The following DDO variants were observed in gnomAD, a reference collection of about 807,000 sequenced individuals.
DDO encodes the protein D-aspartate oxidase, DDO.
Under a neutral mutation model 16.8 loss-of-function variants are expected in DDO, and 16 were observed. The observed-to-expected ratio is 0.95, with a 90% confidence interval of 0.65 to 1.45. The LOEUF (loss-of-function observed/expected upper bound fraction) is 1.45. DDO is among the 40% of genes most tolerant of loss of function. The probability of loss-of-function intolerance (pLI) is 0.00; values close to 1 mark genes in which losing one functional copy is unlikely to be tolerated. For missense variants in DDO, 429 were observed against 420.3 expected, an observed-to-expected ratio of 1.02 and a Z score of -0.18; for synonymous variants, 180 against 167.2, an observed-to-expected ratio of 1.08 and a Z score of -0.59.
Position 110,413,453 on chromosome 6 carries a change from C to T in DDO, c.10G>A (p.Ala4Thr). MDT[A>T]RIAVVGAGVV... The stretch of plus-strand genomic sequence containing the variant: ...CCTGCCCCGACAACTGCAATCCGTG[C>T]TGTGTCCATGAGCCTGTGAGGAGGG... The change falls in exon 2 of 5, where the codon GCA (alanine) becomes ACA (threonine). Residue 4 changes from alanine to threonine, a missense_variant. By Grantham distance (58) the Ala-to-Thr change is moderately conservative. Coordinates refer to ENST00000368924, the MANE Select transcript of DDO (RefSeq NM_001372108.2). The T allele has an allele frequency of 6.2e-7, 1 of 1,613,498 alleles. No individual in the cohort carries two copies. Among genetic ancestry groups the T allele is most frequent in the South Asian group, 1.1e-5 (1 of 91,030 alleles).
chr6:110,393,247 AG>A lies in DDO; in HGVS notation c.553del (p.Gly186GlufsTer14). ...GTCTCCTGCAAGCTGTCTGCTTCCA[AG>A]GCCTGAACAGTTGACCACGATGTCA... ...SFDIVVNCSG[L>X]GSRQLAGDSK... On this transcript the variant is annotated frameshift_variant, in exon 5 of 5. Transcript: ENST00000368924. LOFTEE classifies it low-confidence loss of function (END_TRUNC). 1.9e-6 allele frequency: 3 copies of A among 1,614,180 alleles called. No individual in the cohort carries two copies. The highest frequency in any genetic ancestry group is 2.5e-6 in the Non-Finnish European group (3 of 1,180,020).
At chr6:110,397,148 A>G (rs546440416) in intron 4 of DDO, among the ~76,000 whole-genome samples, 1 of 152,322 alleles carries the variant, frequency 6.6e-6, no homozygotes, top group South Asian at 2.1e-4. Flanking sequence ...TGAAAATGAA[A>G]TGAGACACAT....
chr6:110,410,520 G>A (rs1327353461), intron 2 of DDO, among the ~76,000 whole-genome samples: 2 of 152,208 alleles, frequency 1.3e-5, no homozygotes, highest in Non-Finnish European at 1.5e-5. Flanking sequence ...GGTTCAGCAT[G>A]ACTGGGAGAC....
chr6:110,408,803 G>GGCCACACAGCTTA (rs1773749591), intron 2 of DDO, among the ~76,000 whole-genome samples: 4 of 152,248 alleles, frequency 2.6e-5, no homozygotes, highest in Admixed American at 2.6e-4. Context: ...CTTAGTTCAT[G>GGCCACACAGCTTA]GCTGTGGGAT....
chr6:110,410,033 T>C (rs1773797327), intron 2 of DDO, among the ~76,000 whole-genome samples: 1 of 151,866 alleles, frequency 6.6e-6, no homozygotes, highest in Non-Finnish European at 1.5e-5. Flanking sequence ...CTAAATGCTT[T>C]ACATGTATCA....
chr6:110,399,453 G>T (rs755527892), intron 4 of DDO, among the ~76,000 whole-genome samples: 2 of 152,228 alleles, frequency 1.3e-5, no homozygotes, highest in Non-Finnish European at 2.9e-5. Flanking sequence ...ATTGTGTGGC[G>T]TCCCATGTGG....
intron 3 of DDO, among the ~76,000 whole-genome samples, chr6:110,405,764 G>A (rs988432856): frequency 1.3e-5 from 2 of 152,150 alleles, no homozygotes; most frequent in African/African-American, 4.8e-5. Flanking sequence ...TTAGCTGGGT[G>A]TGGAGGCACA....
chr6:110,413,295 A>T lies in DDO; in HGVS notation c.168T>A (p.Tyr56Ter). The change falls in exon 2 of 5, where the codon TAT (tyrosine) becomes TAA (stop). Residue 56 changes from tyrosine (Y) to a stop codon, truncating the protein, a stop_gained. Coordinates refer to ENST00000368924, the MANE Select transcript of DDO (RefSeq NM_001372108.2). LOFTEE classifies it high-confidence loss of function. The part of the protein sequence containing the change: ...VAAGMLIPHT[Y>*]PDTPIHTQKQ... ...AGAGGAGCTGAAATCTCTCACCTGG[A>T]TAAGTGTGAGGAATAAGCATTCCGG... 6.2e-7 allele frequency: 1 copy of T among 1,613,978 alleles called. No homozygotes were observed. The highest frequency in any genetic ancestry group is 1.3e-5 in the African/African-American group (1 of 75,048).
chr6:110,395,652 G>T (rs1001110356), intron 4 of DDO, among the ~76,000 whole-genome samples: 1 of 152,046 alleles, frequency 6.6e-6, no homozygotes, highest in Non-Finnish European at 1.5e-5. Flanking sequence ...CTACTTTCAA[G>T]GCCAGATAAA....
downstream of DDO, among the ~76,000 whole-genome samples, chr6:110,390,565 G>T (rs544660837): frequency 2.6e-5 from 4 of 152,172 alleles, no homozygotes; most frequent in Non-Finnish European, 5.9e-5. Context: ...AATATAAAAC[G>T]CAGAGTGAAG....
At chr6:110,412,644 G>A (rs1032062146) in intron 2 of DDO, among the ~76,000 whole-genome samples, 2 of 152,160 alleles carry the variant, frequency 1.3e-5, no homozygotes, top group Non-Finnish European at 2.9e-5. Flanking sequence ...CCTCCCCTCC[G>A]CCCCTGGGCA....
intron 4 of DDO, among the ~76,000 whole-genome samples, chr6:110,393,721 C>G (rs766874617): frequency 2.6e-5 from 4 of 152,108 alleles, no homozygotes; most frequent in Admixed American, 6.5e-5. Flanking sequence ...AATTTACTAC[C>G]TTAAACATTT....
intron 4 of DDO, among the ~76,000 whole-genome samples, chr6:110,394,503 A>G (rs972502924): frequency 4.6e-5 from 7 of 152,342 alleles, no homozygotes; most frequent in African/African-American, 1.7e-4. Flanking sequence ...TGTAGAATAG[A>G]GAAAGAGACT....
chr6:110,400,132 C>T (rs1724239353), intron 4 of DDO, among the ~76,000 whole-genome samples: 1 of 152,206 alleles, frequency 6.6e-6, no homozygotes, highest in African/African-American at 2.4e-5. Flanking sequence ...CAGGGTTGAC[C>T]CAGGCCTTCC....
In DDO at chr6:110,400,107, C is replaced by T. The variant is rs532754924; in HGVS notation, c.458+4667G>A. 6.6e-5 allele frequency among the ~76,000 whole-genome samples: 10 copies of T among 152,324 alleles called. No homozygotes were observed. In the East Asian group the frequency reaches 1.2e-3, roughly 18 times the overall value. Reference sequence around the variant, plus strand: ...GGAAATGCTGACCGCAGGCCCGCAGCCCAGGACGGGGTGGCAGGGTTGACC... The same window carrying T: ...GGAAATGCTGACCGCAGGCCCGCAGTCCAGGACGGGGTGGCAGGGTTGACC... On this transcript the variant is annotated intron_variant, in intron 4 of 4. Transcript: ENST00000368924.
In DDO at chr6:110,415,493, G is replaced by T. The variant is rs184476725; in HGVS notation, c.-31C>A. On this transcript the variant is annotated 5_prime_UTR_variant, in exon 1 of 5. Coordinates refer to ENST00000368924, the MANE Select transcript of DDO (RefSeq NM_001372108.2). The stretch of plus-strand genomic sequence containing the variant: ...TGTCTCTGAAAAAGCAGTCTTGGAA[G>T]CCACCAAAATCTCTGGCACCAAACC... The T allele has an allele frequency of 9.0e-5, 145 of 1,614,234 alleles. No homozygotes were observed. Among genetic ancestry groups the T allele is most frequent in the Admixed American group, 2.3e-4 (14 of 60,032 alleles).
intron 4 of DDO, among the ~76,000 whole-genome samples, chr6:110,398,398 A>C (rs9398234): frequency 9.4e-5 from 7 of 74,732 alleles, no homozygotes; most frequent in South Asian, 8.6e-4. Context: ...ACACACACAC[A>C]CACACACACA....
chr6:110,405,868 G>A lies in DDO; in HGVS notation c.282-918C>T, dbSNP rs562630355. 1.6e-3 allele frequency among the ~76,000 whole-genome samples: 242 copies of A among 151,846 alleles called. 1 individual carries two copies. The highest frequency in any genetic ancestry group is 0.015 in the South Asian group (70 of 4,792). ...GCAGTGAACTGAATTGGACCATTGC[G>A]CTCCAGCCTAGACGAGTAAGACCCT... On this transcript the variant is annotated intron_variant, in intron 3 of 4. Transcript: ENST00000368924.
At position 110,394,041 on chromosome 6, in the gene DDO, T is replaced by C. The variant is rs533009930; in HGVS notation, c.459-699A>G. 1.9e-4 allele frequency among the ~76,000 whole-genome samples: 29 copies of C among 152,326 alleles called. No individual in the cohort carries two copies. The South Asian group carries it at 5.6e-3, about 29-fold the overall frequency. Reference sequence around the variant, plus strand: ...GATTTTTAAGTGTAAAGTTCAGTAGTATTAAGCACATTTACCTTGTTGTGC... The same window carrying C: ...GATTTTTAAGTGTAAAGTTCAGTAGCATTAAGCACATTTACCTTGTTGTGC... On this transcript the variant is annotated intron_variant, in intron 4 of 4. Transcript: ENST00000368924.
Sources: allele counts gnomAD v4.1 joint callset (sites outside exome capture counted in the v4.1 genomes callset), GRCh38; gene constraint gnomAD v4.1.1; transcripts MANE v1.5; gene names NCBI Gene and HGNC (gene_info 2026-07-23, HGNC 2026-07-21).